SPOCK3: variants seen among roughly 807,000 people sequenced by gnomAD.
SPOCK3 encodes the protein SPARC (osteonectin), cwcv and kazal like domains proteoglycan 3.
SPOCK3 carries 30 observed loss-of-function variants against 56.6 expected under a neutral mutation model. The ratio of observed to expected loss-of-function variants is 0.53; its 90% CI spans 0.40 to 0.72. The LOEUF is 0.72. Ranked by LOEUF, SPOCK3 falls within the 30% of genes least tolerant of loss-of-function variation. The probability of loss-of-function intolerance (pLI) is 0.00; values close to 1 mark genes in which losing one functional copy is unlikely to be tolerated. For synonymous variants in SPOCK3, 196 were observed against 183.3 expected, an observed-to-expected ratio of 1.07 and a Z score of -0.56; for missense variants, 527 against 530.0, an observed-to-expected ratio of 0.99 and a Z score of 0.06.
At chr4:167,205,289 T>A (rs1184855825) in intron 2 of SPOCK3, among the ~76,000 whole-genome samples, 6 of 44,964 alleles carry the variant, frequency 1.3e-4, no homozygotes, top group Admixed American at 3.7e-4. Context: ...TATATATATT[T>A]TATATCTATA....
intron 4 of SPOCK3, among the ~76,000 whole-genome samples, chr4:166,995,266 T>C (rs1184712681): frequency 6.7e-6 from 1 of 148,958 alleles, no homozygotes; most frequent in Non-Finnish European, 1.5e-5. Flanking sequence ...TGTGTGTGCA[T>C]ACAGATATCA....
At chr4:166,768,763 A>T (rs1738493481) in intron 7 of SPOCK3, among the ~76,000 whole-genome samples, 1 of 152,204 alleles carries the variant, frequency 6.6e-6, no homozygotes, top group African/African-American at 2.4e-5. Context: ...ATTCTCCTGC[A>T]TAATATCCTG....
intron 2 of SPOCK3, among the ~76,000 whole-genome samples, chr4:167,229,602 T>C (rs1736949456): frequency 6.6e-6 from 1 of 152,058 alleles, no homozygotes; most frequent in African/African-American, 2.4e-5. Flanking sequence ...AACCTCACCT[T>C]AGATGAAAAA....
chr4:166,936,169 A>G (rs146998376), intron 4 of SPOCK3, among the ~76,000 whole-genome samples: 1 of 152,274 alleles, frequency 6.6e-6, no homozygotes, highest in Non-Finnish European at 1.5e-5. Context: ...TTTTCTTAGA[A>G]TACGCAATAC....
intron 2 of SPOCK3, among the ~76,000 whole-genome samples, chr4:167,095,155 C>T (rs1759041841): frequency 6.6e-6 from 1 of 152,084 alleles, no homozygotes; most frequent in Non-Finnish European, 1.5e-5. Context: ...AAATGTTAAT[C>T]TTATTCAGAA....
In SPOCK3 at chr4:166,794,735, C is replaced by T. The variant is rs924438509; in HGVS notation, c.590-2446G>A. 5.4e-5 allele frequency among the ~76,000 whole-genome samples: 8 copies of T among 147,228 alleles called. No homozygotes were observed. In the South Asian group the frequency reaches 8.5e-4, roughly 16 times the overall value. ...TCGGCTCACTGCAACCTCTGCCTTT[C>T]GGGTTCAAGAGATTCTCCTGCCTCA... On this transcript the variant is annotated intron_variant, in intron 6 of 10. Transcript: ENST00000357545.
At chr4:166,867,720 AGTT>A (rs1210730868) in intron 6 of SPOCK3, among the ~76,000 whole-genome samples, 1 of 151,610 alleles carries the variant, frequency 6.6e-6, no homozygotes, top group Non-Finnish European at 1.5e-5. Context: ...ATTTAGGCAT[AGTT>A]ACAAAACATT....
At chr4:166,883,633 AT>A (rs1312864732) in intron 6 of SPOCK3, among the ~76,000 whole-genome samples, 2 of 152,178 alleles carry the variant, frequency 1.3e-5, no homozygotes, top group African/African-American at 2.4e-5. Context: ...CAAGCACAAG[AT>A]TTTTGTACTT....
At chr4:166,985,518 A>C (rs115662962) in intron 4 of SPOCK3, among the ~76,000 whole-genome samples, 1,934 of 152,312 alleles carry the variant, frequency 0.013, 20 homozygotes, top group Non-Finnish European at 0.019. Flanking sequence ...TTTAGCAAAC[A>C]TTCAGGACTC....
intron 6 of SPOCK3, among the ~76,000 whole-genome samples, chr4:166,866,118 A>G (rs1731809660): frequency 6.6e-6 from 1 of 152,134 alleles, no homozygotes; most frequent in Non-Finnish European, 1.5e-5. Context: ...GGCCTCAGAA[A>G]TAACACCACA....
chr4:166,804,007 G>A (rs889102920), intron 6 of SPOCK3, among the ~76,000 whole-genome samples: 2 of 152,110 alleles, frequency 1.3e-5, no homozygotes, highest in Non-Finnish European at 2.9e-5. Flanking sequence ...AAGAAAGAAG[G>A]GTTCACTAGC....
intron 6 of SPOCK3, among the ~76,000 whole-genome samples, chr4:166,860,835 A>ATATATATATTTATATAT (rs1342260275): frequency 8.3e-6 from 1 of 119,824 alleles, no homozygotes. Flanking sequence ...ATATATGCAT[A>ATATATATATTTATATAT]AAATATAACT....
chr4:166,814,680 CT>C (rs908064148), intron 6 of SPOCK3, among the ~76,000 whole-genome samples: 1 of 152,106 alleles, frequency 6.6e-6, no homozygotes, highest in African/African-American at 2.4e-5. Context: ...GAAGGCTGCA[CT>C]GTTGGCTTCC....
At chr4:166,825,614 T>C (rs1456738291) in intron 6 of SPOCK3, among the ~76,000 whole-genome samples, 19 of 151,962 alleles carry the variant, frequency 1.3e-4, no homozygotes, top group South Asian at 2.1e-4. Context: ...CAATTCACAA[T>C]TGCAAAAACA....
chr4:166,852,316 TA>T (rs934544127), intron 6 of SPOCK3, among the ~76,000 whole-genome samples: 1 of 151,358 alleles, frequency 6.6e-6, no homozygotes, highest in African/African-American at 2.4e-5. Context: ...TAATAATAAT[TA>T]AAAAAAAGAA....
chr4:166,857,254 T>G (rs186038983), intron 6 of SPOCK3, among the ~76,000 whole-genome samples: 5 of 152,320 alleles, frequency 3.3e-5, no homozygotes, highest in African/African-American at 1.2e-4. Context: ...AGAGCTGCAC[T>G]GAGCTCCTCA....
At chr4:166,801,395 G>A (rs1023194513) in intron 6 of SPOCK3, among the ~76,000 whole-genome samples, 1 of 152,058 alleles carries the variant, frequency 6.6e-6, no homozygotes, top group African/African-American at 2.4e-5. Context: ...ACACATGACC[G>A]TATATGGTAG....
rs73861925 is a variant in SPOCK3, at chr4:167,039,754, G to A, written c.235+22738C>T. Among the ~76,000 whole-genome samples, 942 of 151,774 alleles carry A rather than the reference G, an allele frequency of 6.2e-3. 9 individuals are homozygous for A. The highest frequency in any genetic ancestry group is 0.022 in the African/African-American group (907 of 41,430). On this transcript the variant is annotated intron_variant, in intron 3 of 10. Transcript: ENST00000357545. ...GAAAATTGGGACTATTTAATATTTC[G>A]GAATAAAAGGTGTTATCTGTATTTT...
chr4:166,748,892 A>G lies in SPOCK3; in HGVS notation c.931+5616T>C, dbSNP rs983067883. On this transcript the variant is annotated intron_variant, in intron 8 of 10. Transcript: ENST00000357545. The stretch of plus-strand genomic sequence containing the variant: ...ACCAACAGACACAGAAAAAATGCTC[A>G]TCATCACTGGCCATCAGGGAAATGC... Among the ~76,000 whole-genome samples, 19 of 137,944 alleles carry G rather than the reference A, an allele frequency of 1.4e-4. 6 individuals are homozygous for G. The highest frequency in any genetic ancestry group is 4.3e-4 in the African/African-American group (14 of 32,514). The allele number at this position is 137,944 out of a possible 152,430, so 90.5% of individuals were successfully genotyped here.
Sources: allele counts gnomAD v4.1 joint callset (sites outside exome capture counted in the v4.1 genomes callset), GRCh38; gene constraint gnomAD v4.1.1; transcripts MANE v1.5; gene names NCBI Gene and HGNC (gene_info 2026-07-23, HGNC 2026-07-21).